RAF1: variants seen among roughly 807,000 people sequenced by gnomAD.
RAF1 encodes Raf-1 proto-oncogene, serine/threonine kinase.
A neutral mutation model predicts 81.1 loss-of-function variants in RAF1; 27 were observed. The ratio of observed to expected loss-of-function variants is 0.33; its 90% CI spans 0.25 to 0.46. The LOEUF (loss-of-function observed/expected upper bound fraction) is 0.46. Ranked by LOEUF, RAF1 falls within the 20% of genes least tolerant of loss-of-function variation. The probability of loss-of-function intolerance (pLI) is 1.00; values close to 1 mark genes in which losing one functional copy is unlikely to be tolerated. For missense variants in RAF1, 598 were observed against 826.0 expected (o/e 0.72, Z 3.38); for synonymous variants, 298 against 294.0 (o/e 1.01, Z -0.14).
At chr3:12,659,943 A>G (rs2060823845) in intron 1 of RAF1, among the ~76,000 whole-genome samples, 2 of 152,146 alleles carry the variant, frequency 1.3e-5, no homozygotes, top group African/African-American at 2.4e-5. Flanking sequence ...ACTAACAAAG[A>G]TTTACCTGAA....
At chr3:12,607,088 C>G (rs1050261128) in intron 5 of RAF1, among the ~76,000 whole-genome samples, 1 of 152,164 alleles carries the variant, frequency 6.6e-6, no homozygotes, top group Non-Finnish European at 1.5e-5. Context: ...ATGTCACACA[C>G]AGCTTCTCTG....
At chr3:12,592,407 T>C (rs1206704592) in intron 11 of RAF1, among the ~76,000 whole-genome samples, 1 of 152,210 alleles carries the variant, frequency 6.6e-6, no homozygotes, top group Non-Finnish European at 1.5e-5. Context: ...CTGCCTTCAA[T>C]ACCATTAAAA....
At chr3:12,610,150 T>C (rs972499453) in intron 3 of RAF1, among the ~76,000 whole-genome samples, 3 of 152,180 alleles carry the variant, frequency 2.0e-5, no homozygotes, top group African/African-American at 7.2e-5. Flanking sequence ...CCCAATTCCT[T>C]TCTTATGTTT....
At chr3:12,635,659 AAGAG>A (rs1199727149) in intron 1 of RAF1, among the ~76,000 whole-genome samples, 20 of 123,694 alleles carry the variant, frequency 1.6e-4, no homozygotes, top group Non-Finnish European at 1.8e-4. Flanking sequence ...AAAAAAAAAA[AAGAG>A]AGAGAGAGAT....
chr3:12,613,771 G>C (rs1254110533), intron 2 of RAF1, among the ~76,000 whole-genome samples: 1 of 152,184 alleles, frequency 6.6e-6, no homozygotes, highest in East Asian at 1.9e-4. Context: ...AACGTAAGAA[G>C]TTTTTCACAA....
At chr3:12,612,247 G>A (rs1027301739) in intron 2 of RAF1, among the ~76,000 whole-genome samples, 185 bp from the exon 3 acceptor site, 4 of 152,190 alleles carry the variant, frequency 2.6e-5, no homozygotes, top group African/African-American at 9.7e-5. Flanking sequence ...TCTGTATTAT[G>A]TCACATTATG....
intron 1 of RAF1, among the ~76,000 whole-genome samples, chr3:12,634,449 C>A (rs1186944741): frequency 1.3e-5 from 2 of 152,060 alleles, no homozygotes; most frequent in Non-Finnish European, 2.9e-5. Flanking sequence ...CCGCGCCTGG[C>A]CCGTAATTCC....
chr3:12,608,967 G>A, intron 4 of RAF1, 44 bp from the exon 5 acceptor site: 1 of 1,609,550 alleles, frequency 6.2e-7, no homozygotes, highest in Non-Finnish European at 8.5e-7. Flanking sequence ...ATAAATAAAA[G>A]ATGACAAAAG....
intron 1 of RAF1, among the ~76,000 whole-genome samples, chr3:12,638,846 G>A (rs1292787525): frequency 6.6e-6 from 1 of 152,144 alleles, no homozygotes; most frequent in Non-Finnish European, 1.5e-5. Flanking sequence ...GACCAACCTG[G>A]CCAACACGGC....
In RAF1 at chr3:12,604,192, T is replaced by A; in HGVS notation, c.778A>T (p.Thr260Ser). 6.2e-7 allele frequency: 1 copy of A among 1,614,142 alleles called. No individual in the cohort carries two copies. Among genetic ancestry groups the A allele is most frequent in the Non-Finnish European group, 8.5e-7 (1 of 1,180,024 alleles). Residue 260 changes from threonine to serine, a missense_variant, in exon 7 of 18, where the codon ACA becomes TCA. Around this residue, in one of 5 missense-constraint regions of RAF1, gnomAD observed 194 missense variants for 202.7 expected, o/e 0.96. Coordinates refer to ENST00000442415, the MANE Select transcript of RAF1 (RefSeq NM_001354689.3). The stretch of plus-strand genomic sequence containing the variant: ...GTGCTGACCATGTGGACATTAGGTG[T>A]GGATGTCGACCTCTGCCTCTGGGAG...
At chr3:12,591,627 G>A (rs578033597) in intron 12 of RAF1, 81 bp downstream of exon 11, 34 of 1,289,862 alleles carry the variant, frequency 2.6e-5, no homozygotes, top group African/African-American at 2.0e-4. Flanking sequence ...CCCAACCTGC[G>A]GCACAGTCCA....
chr3:12,636,806 C>CAA (rs993931550), intron 1 of RAF1, among the ~76,000 whole-genome samples: 6 of 144,238 alleles, frequency 4.2e-5, no homozygotes, highest in South Asian at 2.2e-4. Flanking sequence ...GACCTTGTCT[C>CAA]AAAAAAAAAA....
chr3:12,603,470 A>C lies in RAF1; in HGVS notation c.894+8T>G, dbSNP rs770563147. 2.4e-5 allele frequency: 17 copies of C among 696,118 alleles called. No individual in the cohort carries two copies. Among genetic ancestry groups the C allele is most frequent in the Non-Finnish European group, 3.9e-5 (15 of 380,754 alleles). The allele number at this position is 696,118 out of a possible 1,614,324, so 43.1% of individuals were successfully genotyped here. A position where few individuals can be genotyped will look rare whatever the true frequency, so the allele number is the denominator to read the frequency against. On this transcript the variant is annotated splice_region_variant and intron_variant, in intron 8 of 17. Coordinates refer to ENST00000442415, the MANE Select transcript of RAF1 (RefSeq NM_001354689.3). ...CAAGAAAGCAAAGGCATGAAGAAAA[A>C]TACCTACTCTTCCCCTCAAACAAAA...
At chr3:12,652,429 GAGAATCACTT>G (rs1428057192) in intron 1 of RAF1, among the ~76,000 whole-genome samples, 2 of 151,938 alleles carry the variant, frequency 1.3e-5, no homozygotes, top group Non-Finnish European at 2.9e-5. Flanking sequence ...GCTGAGGCAA[GAGAATCACTT>G]GAACCCAGGA....
chr3:12,597,008 C>T (rs923243722), intron 11 of RAF1, among the ~76,000 whole-genome samples: 2 of 151,982 alleles, frequency 1.3e-5, no homozygotes, highest in Non-Finnish European at 2.9e-5. Flanking sequence ...ACGCCATTCT[C>T]CTGCCTCAGC....
In RAF1 at chr3:12,605,199, G is replaced by A. The variant is rs527406828; in HGVS notation, c.681-910C>T. On this transcript the variant is annotated intron_variant, in intron 6 of 17. Transcript: ENST00000442415. ...AATTCCTTATTCTAAGATATGCTGC[G>A]TTTAATATTTCCATAGTATTTTCAC... Among the ~76,000 whole-genome samples the A allele has an allele frequency of 1.2e-4, 18 of 151,402 alleles. No individual in the cohort carries two copies. In the East Asian group the frequency reaches 1.9e-3, roughly 16 times the overall value.
At chr3:12,597,981 T>C (rs924886419) in intron 11 of RAF1, among the ~76,000 whole-genome samples, 4 of 145,196 alleles carry the variant, frequency 2.8e-5, no homozygotes, top group Non-Finnish European at 6.0e-5. Flanking sequence ...GACAGCCCAG[T>C]AGTACATACT....
At chr3:12,608,018 T>C (rs1381996545) in intron 5 of RAF1, among the ~76,000 whole-genome samples, 3 of 150,996 alleles carry the variant, frequency 2.0e-5, no homozygotes, top group Non-Finnish European at 4.4e-5. Flanking sequence ...CTTGTGCCAT[T>C]TGTGCTACTC....
intron 1 of RAF1, among the ~76,000 whole-genome samples, chr3:12,632,986 C>G (rs1219266514): frequency 6.6e-6 from 1 of 152,138 alleles, no homozygotes; most frequent in Non-Finnish European, 1.5e-5. Context: ...CTGCAGAAAC[C>G]CCTTTTCCCC....
Sources: gnomAD v4.1 joint callset for allele counts (sites outside exome capture counted in the v4.1 genomes callset) on GRCh38, gnomAD v4.1.1 for gene constraint, gnomAD v4.1.1 regional missense constraint, MANE v1.5 for transcripts, NCBI Gene and HGNC (gene_info 2026-07-23, HGNC 2026-07-21) for gene names.